The following RWDD4 variants were observed in gnomAD, a reference collection of about 807,000 sequenced individuals.
RWDD4 encodes RWD domain-containing protein 4.
Under a neutral mutation model 30.0 loss-of-function variants are expected in RWDD4, and 16 were observed. That is an observed-to-expected ratio of 0.53 (90% CI 0.36 to 0.81). The LOEUF is 0.81. Among genes scored for constraint, RWDD4 ranks in the 30% least tolerant of loss-of-function variants. RWDD4 has a pLI of 0.00. For missense variants in RWDD4, 170 were observed against 223.9 expected, an observed-to-expected ratio of 0.76 and a Z score of 1.54; for synonymous variants, 45 against 72.1, an observed-to-expected ratio of 0.62 and a Z score of 1.90.
chr4:183,656,223 AG>A (rs1196581321), intron 1 of RWDD4: 1 of 273,350 alleles, frequency 3.7e-6, no homozygotes, highest in African/African-American at 2.2e-5. Flanking sequence ...CCCTGTCAAG[AG>A]GCTCCTATTA....
At chr4:183,646,456 A>G in intron 6 of RWDD4, 32 bp downstream of exon 6, 5 of 1,604,804 alleles carry the variant, frequency 3.1e-6, no homozygotes, top group Non-Finnish European at 4.2e-6. Context: ...AATTGTAACA[A>G]GTTTAAAGAC....
In RWDD4 at chr4:183,659,049, G is replaced by C; in HGVS notation, c.-97C>G. The stretch of plus-strand genomic sequence containing the variant: ...CAGAGGCCGGGCGTCCCCCTTTCGC[G>C]CCTCGGCTGTGGGGGCGGCACAGTC... On this transcript the variant is annotated 5_prime_UTR_variant, in exon 1 of 8. Transcript: ENST00000326397. 1.0e-6 allele frequency: 1 copy of C among 975,304 alleles called. No individual in the cohort carries two copies. The highest frequency in any genetic ancestry group is 1.3e-6 in the Non-Finnish European group (1 of 753,762). The allele number at this position is 975,304 out of a possible 1,614,324, so 60.4% of individuals were successfully genotyped here.
chr4:183,656,044 A>G, intron 1 of RWDD4, 83 bp from the exon 2 acceptor site: 1 of 898,464 alleles, frequency 1.1e-6, no homozygotes, highest in Middle Eastern at 2.2e-4. Context: ...ATTCAAGCCC[A>G]CTCAACTATG....
At chr4:183,652,135 A>G (rs1184641485) in intron 2 of RWDD4, among the ~76,000 whole-genome samples, 4 of 152,242 alleles carry the variant, frequency 2.6e-5, no homozygotes, top group Non-Finnish European at 5.9e-5. Flanking sequence ...AATCTTCTTC[A>G]TAACCACAAG....
Position 183,642,429 on chromosome 4 carries a change from TCCG to T in RWDD4, c.535-964_535-962del, listed in dbSNP as rs576666452. Among the ~76,000 whole-genome samples, 11 of 85,288 alleles carry T rather than the reference TCCG, an allele frequency of 1.3e-4. 5 individuals are homozygous for T. The highest frequency in any genetic ancestry group is 6.8e-4 in the South Asian group (2 of 2,956). 56.0% of individuals were successfully genotyped at this position (85,288 alleles called of 152,430 possible). ...TGGTCTCGATCTCCTGACCTCGTGA[TCCG>T]CCCGCCTCGGCCTCCCAAAGTGCTG... is the stretch of plus-strand genomic sequence containing the variant. On this transcript the variant is annotated intron_variant, in intron 7 of 7. Coordinates refer to ENST00000326397, the MANE Select transcript of RWDD4 (RefSeq NM_152682.4).
intron 7 of RWDD4, 74 bp from the exon 8 acceptor site, chr4:183,641,542 T>A: frequency 8.6e-7 from 1 of 1,164,460 alleles, no homozygotes; most frequent in Non-Finnish European, 1.3e-6. Flanking sequence ...GTATCAAAAT[T>A]AAACTATAGG....
intron 2 of RWDD4, 42 bp downstream of exon 2, chr4:183,655,839 T>C: frequency 8.2e-7 from 1 of 1,220,482 alleles, no homozygotes; most frequent in Non-Finnish European, 1.2e-6. Flanking sequence ...TTCAGTCTTT[T>C]CTAGAAAAGT....
Position 183,642,156 on chromosome 4 carries a change from C to T in RWDD4, c.535-688G>A, listed in dbSNP as rs565571421. Among the ~76,000 whole-genome samples, 28 of 150,744 alleles carry T rather than the reference C, an allele frequency of 1.9e-4. No individual in the cohort carries two copies. In the South Asian group the frequency reaches 5.6e-3, roughly 30 times the overall value. The stretch of plus-strand genomic sequence containing the variant: ...TAAAGGTGTTGGTTCTCAAATATTT[C>T]GGCCTGAGGACCTCTTTCCATTCTT... On this transcript the variant is annotated intron_variant, in intron 7 of 7. Coordinates refer to ENST00000326397, the MANE Select transcript of RWDD4 (RefSeq NM_152682.4).
At chr4:183,656,145 T>TAGG in intron 1 of RWDD4, 184 bp from the exon 2 acceptor site, 1 of 521,872 alleles carries the variant, frequency 1.9e-6, no homozygotes. Context: ...TGATACTTAC[T>TAGG]TTCAAACTCT....
chr4:183,649,689 T>C, intron 4 of RWDD4, 121 bp from the exon 5 acceptor site: 1 of 511,532 alleles, frequency 2.0e-6, no homozygotes, highest in South Asian at 2.9e-5. Context: ...AATCCTATAT[T>C]ATTATGATTC....
At position 183,655,472 on chromosome 4, in the gene RWDD4, AGTG is replaced by A. The variant is rs568627461; in HGVS notation, c.105+406_105+408del. 6.3e-3 allele frequency among the ~76,000 whole-genome samples: 942 copies of A among 149,850 alleles called. 4 individuals are homozygous for A. Among genetic ancestry groups the A allele is most frequent in the Middle Eastern group, 0.035 (10 of 284 alleles). ...AATTTTTTGTATTTTTAGTAGAGAC[AGTG>A]GGGTTTCACCATGTTGGCCAGGATG... On this transcript the variant is annotated intron_variant, in intron 2 of 7. Coordinates refer to ENST00000326397, the MANE Select transcript of RWDD4 (RefSeq NM_152682.4).
chr4:183,652,907 A>G (rs1734113363), intron 2 of RWDD4, among the ~76,000 whole-genome samples: 1 of 151,776 alleles, frequency 6.6e-6, no homozygotes, highest in South Asian at 2.1e-4. Context: ...AACTTTCTGT[A>G]GAGACAAGGT....
At chr4:183,648,161 C>T (rs559112822) in intron 5 of RWDD4, among the ~76,000 whole-genome samples, 7 of 145,998 alleles carry the variant, frequency 4.8e-5, no homozygotes, top group Admixed American at 6.7e-5. Context: ...GGAGAATTGC[C>T]TGAACCCAGG....
At chr4:183,641,714 T>C (rs1733859858) in intron 7 of RWDD4, among the ~76,000 whole-genome samples, 1 of 152,106 alleles carries the variant, frequency 6.6e-6, no homozygotes, top group Admixed American at 6.6e-5. Flanking sequence ...CGGGACACTC[T>C]TGAAGCTTTC....
intron 4 of RWDD4, 82 bp downstream of exon 4, chr4:183,650,902 T>C: frequency 8.9e-6 from 12 of 1,355,266 alleles, no homozygotes; most frequent in Non-Finnish European, 1.2e-5. Context: ...ATTTTGAATA[T>C]ATATTAAGTA....
rs763056666 is a variant in RWDD4 at position 183,651,313 on chromosome 4, A to G, written c.120T>C (p.Gly40=). Reference sequence around the variant, plus strand: ...TCTCTATTAAGAAGGCTTTGGGATCACCATTTTCACCTATCTGAAGAGAAG... The same window carrying G: ...TCTCTATTAAGAAGGCTTTGGGATCGCCATTTTCACCTATCTGAAGAGAAG... ...VSFQYRIGEN[G]DPKAFLIEIS... Residue 40 remains glycine, a synonymous_variant, in exon 3 of 8, where the codon GGT becomes GGC. Transcript: ENST00000326397. 1.2e-6 allele frequency: 2 copies of G among 1,610,608 alleles called. No homozygotes were observed. The highest frequency in any genetic ancestry group is 8.5e-7 in the Non-Finnish European group (1 of 1,178,714).
intron 1 of RWDD4, among the ~76,000 whole-genome samples, chr4:183,658,241 C>T (rs1186871861): frequency 6.6e-6 from 1 of 152,168 alleles, no homozygotes; most frequent in Admixed American, 6.5e-5. Context: ...GGTTTCTAGT[C>T]CCGATTCTAC....
intron 2 of RWDD4, among the ~76,000 whole-genome samples, chr4:183,654,093 T>C (rs1254066463): frequency 1.3e-5 from 2 of 151,976 alleles, no homozygotes; most frequent in Middle Eastern, 3.4e-3. Flanking sequence ...GATCAAACAA[T>C]GTGTGCAAAA....
Position 183,642,363 on chromosome 4 carries a change from G to C in RWDD4, c.535-895C>G. ...CGCTACCACGCCCGGCTAATTTTTT[G>C]TATTTTTAGTAGAGACGGGGTTTCA... On this transcript the variant is annotated intron_variant, in intron 7 of 7. Coordinates refer to ENST00000326397, the MANE Select transcript of RWDD4 (RefSeq NM_152682.4). Among the ~76,000 whole-genome samples, 2 of 94,990 alleles carry C rather than the reference G, an allele frequency of 2.1e-5. 1 individual carries two copies. The highest frequency in any genetic ancestry group is 1.2e-4 in the African/African-American group (2 of 16,310). 62.3% of individuals were successfully genotyped at this position (94,990 alleles called of 152,430 possible).
Sources: allele counts gnomAD v4.1 joint callset (sites outside exome capture counted in the v4.1 genomes callset), GRCh38; gene constraint gnomAD v4.1.1; transcripts MANE v1.5; gene names NCBI Gene and HGNC (gene_info 2026-07-23, HGNC 2026-07-21).